EPHA4: variants seen among roughly 807,000 people sequenced by gnomAD.
The protein encoded by EPHA4 is EPH receptor A4.
Under a neutral mutation model 108.3 loss-of-function variants are expected in EPHA4, and 19 were observed. The observed-to-expected ratio is 0.18, with a 90% CI of 0.12 to 0.26. The LOEUF (loss-of-function observed/expected upper bound fraction) is 0.26, where lower values mean the gene tolerates loss of function less well. Among genes scored for constraint, EPHA4 ranks in the 10% least tolerant of loss-of-function variants. The probability of loss-of-function intolerance (pLI) is 1.00; values close to 1 mark genes in which losing one functional copy is unlikely to be tolerated. For missense variants in EPHA4, 917 were observed against 1,254.0 expected, an observed-to-expected ratio of 0.73 and a Z score of 4.06; for synonymous variants, 449 against 455.5, an observed-to-expected ratio of 0.99 and a Z score of 0.18.
chr2:221,501,261 A>G (rs1692481673), intron 3 of EPHA4, 89 bp from the exon 4 acceptor site: 2 of 1,186,562 alleles, frequency 1.7e-6, no homozygotes, highest in Non-Finnish European at 1.1e-6. Flanking sequence ...GTTTCAGAAG[A>G]AGGGAGACGT....
At chr2:221,481,537 C>G (rs963365878) in intron 5 of EPHA4, among the ~76,000 whole-genome samples, 1 of 152,030 alleles carries the variant, frequency 6.6e-6, no homozygotes, top group East Asian at 1.9e-4. Flanking sequence ...GCCTGTAGTC[C>G]CAGCTACTCG....
intron 3 of EPHA4, 79 bp from the exon 4 acceptor site, chr2:221,501,251 G>T (rs1692481356): frequency 4.6e-6 from 6 of 1,294,596 alleles, no homozygotes; most frequent in Non-Finnish European, 5.2e-6. Context: ...CCACCTCCTT[G>T]TTTCAGAAGA....
chr2:221,527,655 C>A (rs1693379955), intron 3 of EPHA4, among the ~76,000 whole-genome samples: 1 of 152,214 alleles, frequency 6.6e-6, no homozygotes, highest in Admixed American at 6.5e-5. Context: ...TTCCTCAGGG[C>A]CACCTTCTCA....
At chr2:221,487,947 A>G (rs545851675) in intron 4 of EPHA4, among the ~76,000 whole-genome samples, 6 of 152,280 alleles carry the variant, frequency 3.9e-5, no homozygotes, top group African/African-American at 1.4e-4. Context: ...CCAGAAATAG[A>G]AGTCAAATGC....
intron 12 of EPHA4, 82 bp downstream of exon 12, chr2:221,436,979 C>T: frequency 9.7e-7 from 1 of 1,034,178 alleles, no homozygotes; most frequent in East Asian, 2.4e-5. Flanking sequence ...ACGAATACCA[C>T]CGAACACAAC....
In EPHA4 at chr2:221,425,223, G is replaced by A. The variant is rs1456239364; in HGVS notation, c.*805C>T. 6.6e-6 allele frequency: 1 copy of A among 152,488 alleles called. No individual in the cohort carries two copies. The highest frequency in any genetic ancestry group is 2.4e-5 in the African/African-American group (1 of 41,428). The allele number at this position is 152,488 out of a possible 1,614,324, so 9.4% of individuals were successfully genotyped here. A position where few individuals can be genotyped will look rare whatever the true frequency, so the allele number is the denominator to read the frequency against. On this transcript the variant is annotated 3_prime_UTR_variant, in exon 17 of 18. Coordinates refer to ENST00000281821, the MANE Select transcript of EPHA4 (RefSeq NM_004438.5). ...GTTGGACTTACCTTGCAGATCTGGG[G>A]TCGCTTCTTTAAAGGAGCGAAGTGT...
chr2:221,517,533 G>GGCA (rs1693024843), intron 3 of EPHA4, among the ~76,000 whole-genome samples: 1 of 152,108 alleles, frequency 6.6e-6, no homozygotes, highest in Non-Finnish European at 1.5e-5. Context: ...CAGCAGAGAG[G>GGCA]GCATGGCCAC....
chr2:221,564,783 G>T (rs1694575642), intron 2 of EPHA4, among the ~76,000 whole-genome samples: 1 of 148,990 alleles, frequency 6.7e-6, no homozygotes, highest in African/African-American at 2.5e-5. Flanking sequence ...CAACCACTGA[G>T]CAGAGACCTG....
At chr2:221,485,479 C>T (rs1334547114) in intron 4 of EPHA4, among the ~76,000 whole-genome samples, 1 of 152,130 alleles carries the variant, frequency 6.6e-6, no homozygotes, top group African/African-American at 2.4e-5. Context: ...GCTTTGCTAT[C>T]ATAGAGAGTG....
chr2:221,422,550 T>C (rs1002591953), intron 17 of EPHA4, among the ~76,000 whole-genome samples: 5 of 152,200 alleles, frequency 3.3e-5, no homozygotes, highest in Non-Finnish European at 7.3e-5. Context: ...GCAGAAATGA[T>C]TGGACATTTG....
intron 12 of EPHA4, 140 bp from the exon 13 acceptor site, chr2:221,436,748 C>T: frequency 1.1e-6 from 1 of 911,260 alleles, no homozygotes; most frequent in Non-Finnish European, 1.7e-6. Context: ...GCCTTTCTGA[C>T]CAAAGTCGCT....
In EPHA4 at chr2:221,425,246, T is replaced by C. The variant is rs1689863224; in HGVS notation, c.*782A>G. 6.6e-6 allele frequency: 1 copy of C among 152,624 alleles called. No homozygotes were observed. Among genetic ancestry groups the C allele is most frequent in the Non-Finnish European group, 1.5e-5 (1 of 68,042 alleles). The allele number at this position is 152,624 out of a possible 1,614,324, so 9.5% of individuals were successfully genotyped here. On this transcript the variant is annotated 3_prime_UTR_variant, in exon 17 of 18. Transcript: ENST00000281821. Reference sequence around the variant, plus strand: ...GGGTCGCTTCTTTAAAGGAGCGAAGTGTGAACGTTCTCTATTCCAGATTGT... The same window carrying C: ...GGGTCGCTTCTTTAAAGGAGCGAAGCGTGAACGTTCTCTATTCCAGATTGT...
chr2:221,563,936 G>A lies in EPHA4; in HGVS notation c.618C>T (p.Leu206=), dbSNP rs758849213. Residue 206 remains leucine (L), a synonymous_variant, in exon 3 of 18, where the codon CTC becomes CTT. Coordinates refer to ENST00000281821, the MANE Select transcript of EPHA4 (RefSeq NM_004438.5). The part of the protein sequence containing the change: ...SVRVFYKKCP[L]TVRNLAQFPD... ...GAAACTGGGCCAGATTGCGGACTGT[G>A]AGTGGACACTTTTTATAGAACACAC... The A allele has an allele frequency of 1.9e-6, 3 of 1,614,066 alleles. No homozygotes were observed. The highest frequency in any genetic ancestry group is 2.5e-6 in the Non-Finnish European group (3 of 1,180,044).
chr2:221,566,427 G>C (rs1444704073), intron 2 of EPHA4, among the ~76,000 whole-genome samples: 2 of 152,082 alleles, frequency 1.3e-5, no homozygotes, highest in African/African-American at 4.8e-5. Context: ...CTCATTGACA[G>C]ATACCCAATT....
In EPHA4 at chr2:221,425,813, T is replaced by G. The variant is rs1032246202; in HGVS notation, c.*215A>C. On this transcript the variant is annotated 3_prime_UTR_variant, in exon 17 of 18. Coordinates refer to ENST00000281821, the MANE Select transcript of EPHA4 (RefSeq NM_004438.5). Reference sequence around the variant, plus strand: ...CAGAAAAGTACTTCTGAGAAACGATTTGTTCCAGGTCTCATTCAAATGACC... The same window carrying G: ...CAGAAAAGTACTTCTGAGAAACGATGTGTTCCAGGTCTCATTCAAATGACC... 23 of 543,234 alleles carry G rather than the reference T, an allele frequency of 4.2e-5. No individual in the cohort carries two copies. The highest frequency in any genetic ancestry group is 4.2e-4 in the African/African-American group (22 of 52,582). The allele number at this position is 543,234 out of a possible 1,614,324, so 33.7% of individuals were successfully genotyped here.
intron 3 of EPHA4, among the ~76,000 whole-genome samples, chr2:221,517,703 C>CCT (rs1693030688): frequency 6.6e-6 from 1 of 152,156 alleles, no homozygotes; most frequent in Non-Finnish European, 1.5e-5. Context: ...TTGATTTTCC[C>CCT]CTTGGCTGTA....
At chr2:221,482,727 G>A (rs761563837) in intron 4 of EPHA4, 37 bp from the exon 5 acceptor site, 17 of 1,518,694 alleles carry the variant, frequency 1.1e-5, no homozygotes, top group East Asian at 4.6e-5. Flanking sequence ...ACCAAGAACC[G>A]AAATACCCTT....
chr2:221,439,940 C>T (rs1690364852), intron 11 of EPHA4, among the ~76,000 whole-genome samples: 1 of 152,228 alleles, frequency 6.6e-6, no homozygotes, highest in Non-Finnish European at 1.5e-5. Context: ...TTCACCCTCA[C>T]ACCTCCCTAG....
intron 10 of EPHA4, 32 bp downstream of exon 10, chr2:221,443,461 A>T: frequency 1.3e-6 from 2 of 1,488,224 alleles, no homozygotes; most frequent in Non-Finnish European, 1.9e-6. Flanking sequence ...AAGAAAACAG[A>T]CTCATTAGCA....
Sources: allele counts gnomAD v4.1 joint callset (sites outside exome capture counted in the v4.1 genomes callset), GRCh38; gene constraint gnomAD v4.1.1; transcripts MANE v1.5; gene names NCBI Gene and HGNC (gene_info 2026-07-23, HGNC 2026-07-21).